Variants in CFAP299 observed in about 807,000 individuals in gnomAD.
The protein encoded by CFAP299 is cilia- and flagella-associated protein 299.
CFAP299 carries 21 observed loss-of-function variants against 27.0 expected under a neutral mutation model. The ratio of observed to expected loss-of-function variants is 0.78; its 90% CI spans 0.55 to 1.12. The LOEUF is 1.12. Among genes scored for constraint, CFAP299 ranks in the 50% most tolerant of loss-of-function variants. The probability of loss-of-function intolerance (pLI) is 0.00; values close to 1 mark genes in which losing one functional copy is unlikely to be tolerated. For synonymous variants in CFAP299, 104 were observed against 98.1 expected, an observed-to-expected ratio of 1.06 and a Z score of -0.36; for missense variants, 310 against 276.6, an observed-to-expected ratio of 1.12 and a Z score of -0.86.
chr4:80,723,852 A>G (rs1471219239), intron 3 of CFAP299, among the ~76,000 whole-genome samples: 1 of 152,136 alleles, frequency 6.6e-6, no homozygotes, highest in Non-Finnish European at 1.5e-5. Context: ...GAGGTAGACA[A>G]TAGAAACATA....
chr4:80,539,001 C>G (rs961458839), intron 2 of CFAP299, among the ~76,000 whole-genome samples: 15 of 152,136 alleles, frequency 9.9e-5, no homozygotes, highest in African/African-American at 3.6e-4. Flanking sequence ...TCTTTACACT[C>G]AGGAGTTAAT....
intron 4 of CFAP299, among the ~76,000 whole-genome samples, chr4:80,895,181 C>G (rs1734552704): frequency 1.5e-5 from 2 of 137,606 alleles, no homozygotes; most frequent in Admixed American, 1.4e-4. Context: ...CACACACACA[C>G]ACACACACAC....
chr4:80,838,990 A>G (rs1326444038), intron 3 of CFAP299, among the ~76,000 whole-genome samples: 1 of 152,156 alleles, frequency 6.6e-6, no homozygotes, highest in African/African-American at 2.4e-5. Context: ...CAACAGTGAT[A>G]CATTTCTTCT....
rs1358949084 is a variant in CFAP299 at position 80,782,651 on chromosome 4, TATATA to T, written c.334-87336_334-87332del. On this transcript the variant is annotated intron_variant, in intron 3 of 5. Transcript: ENST00000358105. The stretch of plus-strand genomic sequence containing the variant: ...TTCATATATAATATACATATATGAA[TATATA>T]ATATATTCATATATAATATACATAT... Among the ~76,000 whole-genome samples, 205 of 126,556 alleles carry T rather than the reference TATATA, an allele frequency of 1.6e-3. 2 individuals carry two copies. Among genetic ancestry groups the T allele is most frequent in the African/African-American group, 5.8e-3 (197 of 34,130 alleles). 83.0% of individuals were successfully genotyped at this position (126,556 alleles called of 152,430 possible).
At position 80,763,768 on chromosome 4, in the gene CFAP299, A is replaced by C. The variant is rs188664342; in HGVS notation, c.334-106225A>C. Among the ~76,000 whole-genome samples the C allele has an allele frequency of 4.1e-3, 627 of 152,314 alleles. 2 individuals carry two copies. Among genetic ancestry groups the C allele is most frequent in the Non-Finnish European group, 7.2e-3 (487 of 68,016 alleles). Reference sequence around the variant, plus strand: ...GGTACCAAAACAGATACATAGACCAATGAAACAGAACAGAGGCCTCAGAAA... The same window carrying C: ...GGTACCAAAACAGATACATAGACCACTGAAACAGAACAGAGGCCTCAGAAA... On this transcript the variant is annotated intron_variant, in intron 3 of 5. Coordinates refer to ENST00000358105, the MANE Select transcript of CFAP299 (RefSeq NM_152770.3).
intron 4 of CFAP299, among the ~76,000 whole-genome samples, chr4:80,916,366 G>A (rs1735768829): frequency 1.4e-5 from 2 of 145,574 alleles, no homozygotes; most frequent in South Asian, 4.4e-4. Flanking sequence ...GGGCATTGTG[G>A]ATTTTACATT....
At chr4:80,799,864 T>TTA (rs1392296035) in intron 3 of CFAP299, among the ~76,000 whole-genome samples, 4 of 32,552 alleles carry the variant, frequency 1.2e-4, no homozygotes, top group African/African-American at 5.9e-4. Context: ...TAAATATATA[T>TTA]TATATATATT....
chr4:80,579,244 TA>T, intron 2 of CFAP299, among the ~76,000 whole-genome samples: 1 of 152,276 alleles, frequency 6.6e-6, no homozygotes, highest in Admixed American at 6.5e-5. Context: ...GCATTCTAGC[TA>T]CAAGAAAAAA....
chr4:80,642,713 G>A (rs1489774239), intron 3 of CFAP299, among the ~76,000 whole-genome samples: 5 of 151,810 alleles, frequency 3.3e-5, no homozygotes, highest in East Asian at 3.9e-4. Flanking sequence ...GCAGTGAACC[G>A]AGATCACACC....
chr4:80,930,665 T>C (rs2110218304), intron 4 of CFAP299, among the ~76,000 whole-genome samples: 1 of 152,250 alleles, frequency 6.6e-6, no homozygotes, highest in African/African-American at 2.4e-5. Context: ...TGGGTGAAAG[T>C]GGAGGGGAAA....
intron 3 of CFAP299, among the ~76,000 whole-genome samples, chr4:80,682,579 T>C (rs1242157673): frequency 6.6e-6 from 1 of 152,092 alleles, no homozygotes. Context: ...TACCACATTT[T>C]TTTTTTTTGT....
At chr4:80,774,195 T>C (rs1726387429) in intron 3 of CFAP299, among the ~76,000 whole-genome samples, 1 of 151,770 alleles carries the variant, frequency 6.6e-6, no homozygotes, top group South Asian at 2.1e-4. Context: ...ATTTGTGAGG[T>C]TGTTAAATCA....
At chr4:80,856,621 T>G (rs190400485) in intron 3 of CFAP299, among the ~76,000 whole-genome samples, 2,492 of 152,196 alleles carry the variant, frequency 0.016, 60 homozygotes, top group African/African-American at 0.057. Flanking sequence ...TTTCTACATA[T>G]GGCTAGCCAG....
chr4:80,357,907 C>G (rs1043855594), intron 1 of CFAP299, among the ~76,000 whole-genome samples: 3 of 152,114 alleles, frequency 2.0e-5, no homozygotes, highest in African/African-American at 7.2e-5. Flanking sequence ...TCTTGATCCT[C>G]TTGTTCTTTT....
At chr4:80,756,723 T>A (rs754568277) in intron 3 of CFAP299, among the ~76,000 whole-genome samples, 5 of 152,162 alleles carry the variant, frequency 3.3e-5, no homozygotes, top group Non-Finnish European at 5.9e-5. Context: ...AGTAGTTGGT[T>A]GTCACAGAGC....
intron 3 of CFAP299, among the ~76,000 whole-genome samples, chr4:80,856,987 C>T (rs1275531341): frequency 1.3e-5 from 2 of 151,864 alleles, no homozygotes; most frequent in East Asian, 1.9e-4. Flanking sequence ...CTGTAAATTA[C>T]CTTGGGCAGT....
At chr4:80,822,886 T>C (rs990355279) in intron 3 of CFAP299, among the ~76,000 whole-genome samples, 1 of 152,202 alleles carries the variant, frequency 6.6e-6, no homozygotes, top group African/African-American at 2.4e-5. Context: ...GATTCTAGCA[T>C]ATTGAAATAT....
At chr4:80,890,092 C>T (rs2110185149) in intron 4 of CFAP299, among the ~76,000 whole-genome samples, 1 of 152,028 alleles carries the variant, frequency 6.6e-6, no homozygotes, top group East Asian at 1.9e-4. Flanking sequence ...TTATTTTCCC[C>T]ACTACTATTC....
chr4:80,955,473 T>C (rs1407487605), intron 5 of CFAP299, among the ~76,000 whole-genome samples: 1 of 152,214 alleles, frequency 6.6e-6, no homozygotes. Context: ...TTCCTAGTAG[T>C]GTATTACCTT....
Sources: gnomAD v4.1 joint callset for allele counts (sites outside exome capture counted in the v4.1 genomes callset) on GRCh38, gnomAD v4.1.1 for gene constraint, MANE v1.5 for transcripts, NCBI Gene and HGNC (gene_info 2026-07-23, HGNC 2026-07-21) for gene names.